MOV10L1: variants seen among roughly 807,000 people sequenced by gnomAD.
The protein encoded by MOV10L1 is Mov10 like RNA helicase 1.
In MOV10L1, 110 loss-of-function variants were observed where a neutral mutation model predicts 143.8. The observed-to-expected ratio is 0.76, with a 90% CI of 0.66 to 0.90. MOV10L1 has a LOEUF of 0.90. MOV10L1 is among the 40% of genes least tolerant of loss of function. The pLI is 0.00. For missense variants in MOV10L1, 1,406 were observed against 1,526.8 expected, an observed-to-expected ratio of 0.92 and a Z score of 1.32; for synonymous variants, 593 against 581.1, an observed-to-expected ratio of 1.02 and a Z score of -0.29.
At chr22:50,128,540 C>CTTTTTTTTTT in intron 13 of MOV10L1, 33 bp downstream of exon 13, 3 of 486,184 alleles carry the variant, frequency 6.2e-6, no homozygotes, top group African/African-American at 3.0e-5. Context: ...TTTCAAATGT[C>CTTTTTTTTTT]TTTTTTTTTT....
chr22:50,113,781 T>A lies in MOV10L1; in HGVS notation c.877T>A (p.Trp293Arg), dbSNP rs770229406. The change falls in exon 6 of 27, where the codon TGG becomes AGG. Residue 293 changes from tryptophan (W) to arginine (R), a missense_variant. Around this residue, in one of 3 missense-constraint regions of MOV10L1, gnomAD observed 1,233 missense variants for 1,351.4 expected, o/e 0.91. Coordinates refer to ENST00000262794, the MANE Select transcript of MOV10L1 (RefSeq NM_018995.3). ...KEGRSKTMVI[W>R]IENKGDIPQN... ...AGGAAGAAGTAAAACCATGGTGATC[T>A]GGATAGAGTGAGTTTGCCACTGAAA... 27 of 1,598,810 alleles carry A rather than the reference T, an allele frequency of 1.7e-5. No homozygotes were observed. Among genetic ancestry groups the A allele is most frequent in the Non-Finnish European group, 2.3e-5 (27 of 1,172,780 alleles).
Position 50,153,157 on chromosome 22 carries a change from C to A in MOV10L1, c.3005C>A (p.Ser1002Tyr). 6.2e-7 allele frequency: 1 copy of A among 1,614,046 alleles called. No individual in the cohort carries two copies. Among genetic ancestry groups the A allele is most frequent in the South Asian group, 1.1e-5 (1 of 91,078 alleles). ...EVCADPTVVT[S>Y]LLGWEKLPKK... ...TGTGCGGACCCCACAGTGGTGACCT[C>A]CTTGCTGGGCTGGGAGAAGTTGCCT... Residue 1002 changes from serine (S) to tyrosine (Y), a missense_variant, in exon 22 of 27, where the codon TCC becomes TAC. Transcript: ENST00000262794.
At chr22:50,095,316 A>G (rs1485054463) in intron 2 of MOV10L1, 1 of 152,146 alleles carries the variant, frequency 6.6e-6, no homozygotes, top group Admixed American at 6.5e-5. Context: ...TAATTCACCA[A>G]TGTTAGTATT....
Position 50,134,609 on chromosome 22 carries a change from T to C in MOV10L1, c.2049T>C (p.Ser683=). 2 of 1,614,190 alleles carry C rather than the reference T, an allele frequency of 1.2e-6. No homozygotes were observed. Among genetic ancestry groups the C allele is most frequent in the East Asian group, 2.2e-5 (1 of 44,890 alleles). The change falls in exon 15 of 27, where the codon AGT becomes AGC. Residue 683 remains serine, a synonymous_variant. Coordinates refer to ENST00000262794, the MANE Select transcript of MOV10L1 (RefSeq NM_018995.3). The stretch of plus-strand genomic sequence containing the variant: ...ACCATGCACAAGACACCAAAAGCAG[T>C]GGACAGTCCACCAGCAAAAAGGTAG... ...NWNHAQDTKS[S]GQSTSKKNRK...
At chr22:50,115,389 A>G (rs569895078) in intron 8 of MOV10L1, 143 bp downstream of exon 8, 3 of 897,008 alleles carry the variant, frequency 3.3e-6, no homozygotes, top group African/African-American at 3.5e-5. Context: ...CCATGGCGAA[A>G]CCCCGCCTCT....
intron 13 of MOV10L1, among the ~76,000 whole-genome samples, chr22:50,130,063 G>A (rs769987383): frequency 1.1e-4 from 17 of 152,208 alleles, no homozygotes; most frequent in Non-Finnish European, 2.2e-4. Flanking sequence ...ATCTCTTGAG[G>A]TCAGGAGTTC....
chr22:50,134,712 G>T (rs878978807), intron 15 of MOV10L1, 82 bp downstream of exon 15: 1 of 1,205,896 alleles, frequency 8.3e-7, no homozygotes, highest in Non-Finnish European at 1.2e-6. Context: ...TGGCTCAGCG[G>T]CGTGACTGTC....
At chr22:50,100,801 G>A (rs547258424) in intron 3 of MOV10L1, among the ~76,000 whole-genome samples, 16 of 152,280 alleles carry the variant, frequency 1.1e-4, no homozygotes, top group African/African-American at 3.1e-4. Flanking sequence ...CACCACTCCC[G>A]GCTTTATATA....
At chr22:50,149,458 CT>C in intron 19 of MOV10L1, 156 bp from the exon 20 acceptor site, 1 of 639,218 alleles carries the variant, frequency 1.6e-6, no homozygotes, top group Non-Finnish European at 2.7e-6. Context: ...CCTGTCCTCC[CT>C]CCAGCCGGGT....
At position 50,159,802 on chromosome 22, in the gene MOV10L1, T is replaced by G. The variant is rs1180773544; in HGVS notation, c.3324+17T>G. 6.5e-7 allele frequency: 1 copy of G among 1,539,566 alleles called. No homozygotes were observed. Among genetic ancestry groups the G allele is most frequent in the Admixed American group, 1.7e-5 (1 of 59,284 alleles). ...ATTTCGACCGTAGGTATCCCTGTTC[T>G]CCGTGGGGATGGACAGTCAGGTGCT... On this transcript the variant is annotated intron_variant, in intron 24 of 26. Coordinates refer to ENST00000262794, the MANE Select transcript of MOV10L1 (RefSeq NM_018995.3). This position sits in a 1 kb window ranked among gnomAD's most constrained non-coding sequence, Gnocchi z 4.1.
rs1356765742 is a variant in MOV10L1, at chr22:50,130,359, A to AT, written c.1910+1860dup. Among the ~76,000 whole-genome samples, 14 of 152,126 alleles carry AT rather than the reference A, an allele frequency of 9.2e-5. No individual in the cohort carries two copies. In the East Asian group the frequency reaches 9.6e-4, roughly 10 times the overall value. ...GTTTTAATATAGTCAAATTTATCAA[A>AT]TTTTTTTTAATATTAGTGCTTTTTA... On this transcript the variant is annotated intron_variant, in intron 13 of 26. Coordinates refer to ENST00000262794, the MANE Select transcript of MOV10L1 (RefSeq NM_018995.3).
At chr22:50,090,212 C>T (rs1288001366) in intron 1 of MOV10L1, 27 bp downstream of exon 1, 2 of 1,410,304 alleles carry the variant, frequency 1.4e-6, no homozygotes, top group African/African-American at 1.5e-5. Flanking sequence ...GGCTGGGAGG[C>T]GGGTCCCGGG....
In MOV10L1 at chr22:50,150,888, A is replaced by G; in HGVS notation, c.2881A>G (p.Asn961Asp). The G allele has an allele frequency of 3.7e-6, 6 of 1,614,134 alleles. No homozygotes were observed. Among genetic ancestry groups the G allele is most frequent in the Non-Finnish European group, 5.1e-6 (6 of 1,180,020 alleles). ...ENAFGACGAH[N>D]PLLVTKLVKN... ...TGCTTTCGGTGCTTGTGGCGCACAT[A>G]ATCCCCTGTTGGTGAGTCACAGACT... Residue 961 changes from asparagine to aspartate, a missense_variant, in exon 21 of 27, where the codon AAT becomes GAT. By Grantham distance (23) the Asn-to-Asp change is conservative. This residue lies in a region of MOV10L1 where 1,233 missense variants were observed against 1,351.4 expected (regional missense o/e 0.91). Transcript: ENST00000262794.
rs1163420003 is a variant in MOV10L1 at position 50,126,188 on chromosome 22, T to C, written c.1748-14T>C. The C allele has an allele frequency of 2.7e-6, 4 of 1,498,130 alleles. No homozygotes were observed. The highest frequency in any genetic ancestry group is 1.1e-5 in the South Asian group (1 of 87,506). 92.8% of individuals were successfully genotyped at this position (1,498,130 alleles called of 1,614,324 possible). On this transcript the variant is annotated splice_polypyrimidine_tract_variant and intron_variant, in intron 11 of 26. Transcript: ENST00000262794. ...TGTGTTAGCTTTAAACATGGTAATA[T>C]ATTTTTTAACTAGGTGATAAACTGA... is the stretch of plus-strand genomic sequence containing the variant.
chr22:50,156,688 G>C (rs918989507), intron 22 of MOV10L1, among the ~76,000 whole-genome samples: 2 of 152,184 alleles, frequency 1.3e-5, no homozygotes, highest in African/African-American at 4.8e-5. Context: ...CCATGTTGTG[G>C]TGTGTGTCAG....
chr22:50,153,991 C>T (rs1381882188), intron 22 of MOV10L1, among the ~76,000 whole-genome samples: 2 of 152,266 alleles, frequency 1.3e-5, no homozygotes, highest in Non-Finnish European at 2.9e-5. Context: ...CTCTGCATTC[C>T]ATGCCCTACC....
chr22:50,120,538 A>G lies in MOV10L1; in HGVS notation c.1491A>G (p.Gln497=), dbSNP rs1417089014. ...SRRQLPSFLP[Q]YPIPDRLRKC... ...GACAACTTCCAAGTTTTCTTCCCCAATATCCAATCCCAGATAGACTTAGAA... is the reference window on the plus strand; with the variant it reads ...GACAACTTCCAAGTTTTCTTCCCCAGTATCCAATCCCAGATAGACTTAGAA... Residue 497 remains glutamine, a synonymous_variant, in exon 10 of 27, where the codon CAA becomes CAG. Coordinates refer to ENST00000262794, the MANE Select transcript of MOV10L1 (RefSeq NM_018995.3). The G allele has an allele frequency of 2.5e-6, 4 of 1,612,780 alleles. No individual in the cohort carries two copies. In the South Asian group the frequency reaches 3.3e-5, roughly 13 times the overall value.
intron 2 of MOV10L1, among the ~76,000 whole-genome samples, chr22:50,099,086 A>G (rs1490743040): frequency 2.6e-5 from 4 of 152,182 alleles, no homozygotes; most frequent in Non-Finnish European, 5.9e-5. Context: ...GGATTTTTGC[A>G]TCAGTGTTCA....
At chr22:50,134,309 A>G (rs2062760102) in intron 14 of MOV10L1, among the ~76,000 whole-genome samples, 1 of 138,746 alleles carries the variant, frequency 7.2e-6, no homozygotes, top group Non-Finnish European at 1.6e-5. Context: ...TCCCTTCATA[A>G]ATGTAATTTA....
Sources: allele counts gnomAD v4.1 joint callset (sites outside exome capture counted in the v4.1 genomes callset), GRCh38; gene constraint gnomAD v4.1.1; regional missense constraint gnomAD v4.1.1; non-coding constraint Gnocchi (gnomAD v3.1); transcripts MANE v1.5; gene names NCBI Gene and HGNC (gene_info 2026-07-23, HGNC 2026-07-21).